CCDC179: variants seen among roughly 807,000 people sequenced by gnomAD.
CCDC179 encodes coiled-coil domain containing 179, also known as coiled-coil domain-containing protein 179.
In CCDC179, 17 loss-of-function variants were observed where a neutral mutation model predicts 12.0. That is an observed-to-expected ratio of 1.42 (90% CI 0.97 to 2.13). The LOEUF (loss-of-function observed/expected upper bound fraction) is 2.13, where lower values mean the gene tolerates loss of function less well. Among genes scored for constraint, CCDC179 ranks in the 30% most tolerant of loss-of-function variants. The probability of loss-of-function intolerance (pLI) is 0.00; values close to 1 mark genes in which losing one functional copy is unlikely to be tolerated. For synonymous variants in CCDC179, 27 were observed against 26.4 expected, an observed-to-expected ratio of 1.02 and a Z score of -0.07; for missense variants, 83 against 78.6, an observed-to-expected ratio of 1.06 and a Z score of -0.21.
intron 2 of CCDC179, among the ~76,000 whole-genome samples, chr11:22,858,690 T>C (rs1858589784): frequency 6.6e-6 from 1 of 152,044 alleles, no homozygotes; most frequent in African/African-American, 2.4e-5. Context: ...AAAATTTGCT[T>C]TTCCTATGAT....
At chr11:22,855,058 G>A (rs369202478) in intron 3 of CCDC179, among the ~76,000 whole-genome samples, 3 of 151,696 alleles carry the variant, frequency 2.0e-5, no homozygotes, top group African/African-American at 7.2e-5. Flanking sequence ...AAATATGTGA[G>A]GCAAAAACTG....
intron 3 of CCDC179, among the ~76,000 whole-genome samples, chr11:22,848,326 C>T (rs1462816247): frequency 1.3e-5 from 2 of 152,062 alleles, no homozygotes; most frequent in Non-Finnish European, 1.5e-5. Context: ...TGCCTGTAAT[C>T]CCAGCTACTT....
intron 3 of CCDC179, among the ~76,000 whole-genome samples, chr11:22,853,943 G>A (rs946663063): frequency 1.3e-5 from 2 of 151,866 alleles, no homozygotes; most frequent in African/African-American, 4.8e-5. Flanking sequence ...AAGAAGCTGG[G>A]GGAAAGTGGT....
At chr11:22,855,918 T>C (rs1040142596) in intron 3 of CCDC179, among the ~76,000 whole-genome samples, 12 of 151,346 alleles carry the variant, frequency 7.9e-5, no homozygotes, top group Non-Finnish European at 1.6e-4. Flanking sequence ...GCTCATAAAC[T>C]TGAAAACTTA....
chr11:22,849,258 A>T (rs535306191), intron 3 of CCDC179, among the ~76,000 whole-genome samples: 31 of 152,244 alleles, frequency 2.0e-4, no homozygotes, highest in Admixed American at 7.2e-4. Context: ...ATTAGTAAAA[A>T]GTATCTGGAT....
At chr11:22,853,472 G>T (rs1002256707) in intron 3 of CCDC179, among the ~76,000 whole-genome samples, 1 of 152,044 alleles carries the variant, frequency 6.6e-6, no homozygotes, top group Non-Finnish European at 1.5e-5. Flanking sequence ...TAATGGAAAT[G>T]AAGCATGACA....
intron 3 of CCDC179, among the ~76,000 whole-genome samples, chr11:22,848,616 A>G (rs1207481175): frequency 6.6e-6 from 1 of 152,222 alleles, no homozygotes; most frequent in African/African-American, 2.4e-5. Context: ...TTGTCCCAAA[A>G]CATTTAAATT....
intron 3 of CCDC179, among the ~76,000 whole-genome samples, chr11:22,855,023 G>A (rs972657903): frequency 7.2e-5 from 11 of 151,766 alleles, no homozygotes; most frequent in Non-Finnish European, 1.6e-4. Context: ...TCCTTAATGT[G>A]TTTGTTCCTA....
intron 1 of CCDC179, among the ~76,000 whole-genome samples, chr11:22,859,930 A>G (rs909791167): frequency 7.2e-5 from 11 of 152,224 alleles, no homozygotes; most frequent in African/African-American, 2.4e-4. Context: ...TCTGAAGCAC[A>G]GGGAGCTTGG....
intron 3 of CCDC179, among the ~76,000 whole-genome samples, chr11:22,850,963 TATA>T (rs1858373655): frequency 1.0e-4 from 2 of 19,766 alleles, no homozygotes; most frequent in Non-Finnish European, 2.3e-4. Flanking sequence ...TATATATATA[TATA>T]TATATATATA....
intron 2 of CCDC179, 34 bp from the exon 3 acceptor site, chr11:22,858,060 C>CT (rs1858568443): frequency 3.0e-6 from 4 of 1,351,834 alleles, no homozygotes; most frequent in African/African-American, 1.5e-5. Context: ...AAAAATCATA[C>CT]TTTTTTGTAA....
intron 1 of CCDC179, among the ~76,000 whole-genome samples, chr11:22,860,017 G>C (rs771377698): frequency 9.2e-5 from 14 of 152,132 alleles, no homozygotes; most frequent in Non-Finnish European, 1.5e-4. Context: ...CACTCGTTTT[G>C]ATCCAATCTT....
chr11:22,854,078 C>T (rs1196889580), intron 3 of CCDC179, among the ~76,000 whole-genome samples: 1 of 151,578 alleles, frequency 6.6e-6, no homozygotes, highest in African/African-American at 2.4e-5. Context: ...AGAGCAGAAA[C>T]CTAGGATTCT....
At chr11:22,860,297 T>C in intron 1 of CCDC179, 80 bp downstream of exon 1, 1 of 1,462,042 alleles carries the variant, frequency 6.8e-7, no homozygotes, top group Non-Finnish European at 9.1e-7. Context: ...AGAAGCACCA[T>C]GGCCAAGGCC....
chr11:22,849,826 G>A (rs1321830202), intron 3 of CCDC179, among the ~76,000 whole-genome samples: 1 of 151,990 alleles, frequency 6.6e-6, no homozygotes, highest in East Asian at 1.9e-4. Context: ...TTTAGGACAC[G>A]GACACACATG....
At chr11:22,849,785 AC>A (rs1858327524) in intron 3 of CCDC179, among the ~76,000 whole-genome samples, 1 of 152,092 alleles carries the variant, frequency 6.6e-6, no homozygotes, top group African/African-American at 2.4e-5. Flanking sequence ...TGGGGTAGAT[AC>A]CCAGGGTTCG....
At chr11:22,858,149 C>T in intron 2 of CCDC179, 123 bp from the exon 3 acceptor site, 1 of 549,082 alleles carries the variant, frequency 1.8e-6, no homozygotes, top group Non-Finnish European at 3.1e-6. Context: ...AAACGGTTCA[C>T]ATAACTACAT....
rs1026844615 is a variant in CCDC179, at chr11:22,860,395, C to A, written c.27G>T (p.Glu9Asp). MCLYCWDI[E>D]PSQVNPEGPR... ...GACTCACAGGGTTGACTTGGGAAGGCTCGATGTCCCAGCAATACAGGCACA... is the reference window on the plus strand; with the variant it reads ...GACTCACAGGGTTGACTTGGGAAGGATCGATGTCCCAGCAATACAGGCACA... Residue 9 changes from glutamate to aspartate, a missense_variant, in exon 1 of 4, where the codon GAG (glutamate) becomes GAT (aspartate). By Grantham distance (45) the Glu-to-Asp change is conservative. Transcript: ENST00000532798. The A allele has an allele frequency of 1.1e-5, 17 of 1,535,532 alleles. No homozygotes were observed. In the Admixed American group the frequency reaches 3.3e-4, roughly 30 times the overall value.
At chr11:22,860,283 A>G (rs1858631701) in intron 1 of CCDC179, 94 bp downstream of exon 1, 1 of 1,373,508 alleles carries the variant, frequency 7.3e-7, no homozygotes, top group South Asian at 1.3e-5. Context: ...CATTTACAAG[A>G]GTTAGAAGCA....
Sources: allele counts gnomAD v4.1 joint callset (sites outside exome capture counted in the v4.1 genomes callset), GRCh38; gene constraint gnomAD v4.1.1; transcripts MANE v1.5; gene names NCBI Gene and HGNC (gene_info 2026-07-23, HGNC 2026-07-21).